Variants in NCOA2 observed in about 807,000 individuals in gnomAD.
The protein encoded by NCOA2 is nuclear receptor coactivator 2, also known as class E basic helix-loop-helix protein 75.
Under a neutral mutation model 145.1 loss-of-function variants are expected in NCOA2, and 21 were observed. The observed-to-expected ratio is 0.14, with a 90% CI of 0.10 to 0.21. The LOEUF (loss-of-function observed/expected upper bound fraction) is 0.21. NCOA2 is among the 10% of genes least tolerant of loss of function. The probability of loss-of-function intolerance (pLI) is 1.00; values close to 1 mark genes in which losing one functional copy is unlikely to be tolerated. For synonymous variants in NCOA2, 619 were observed against 637.5 expected (o/e 0.97, Z 0.44); for missense variants, 1,472 against 1,837.6 (o/e 0.80, Z 3.64).
chr8:70,225,844 A>G (rs1298744998), intron 2 of NCOA2, among the ~76,000 whole-genome samples: 1 of 152,186 alleles, frequency 6.6e-6, no homozygotes, highest in Non-Finnish European at 1.5e-5. Context: ...AGAACACTAC[A>G]TATTTGACCC....
At chr8:70,274,935 C>T (rs1321651420) in intron 2 of NCOA2, among the ~76,000 whole-genome samples, 2 of 152,054 alleles carry the variant, frequency 1.3e-5, no homozygotes, top group African/African-American at 2.4e-5. Flanking sequence ...CATCATCTCC[C>T]GTAATTAAGA....
the NCOA2 span, among the ~76,000 whole-genome samples, chr8:70,411,993 AT>A: frequency 6.6e-6 from 1 of 152,218 alleles, no homozygotes; most frequent in Non-Finnish European, 1.5e-5. Flanking sequence ...TTACACTTCA[AT>A]TTTTTAAATG....
In NCOA2 at chr8:70,144,737, C is replaced by A. The variant is rs1810826239; in HGVS notation, c.2717G>T (p.Arg906Ile). Residue 906 changes from arginine to isoleucine, a missense_variant, in exon 13 of 23, where the codon AGA (arginine) becomes ATA (isoleucine). This residue lies in a region of NCOA2 where 953 missense variants were observed against 1,062.1 expected (regional missense o/e 0.90). Coordinates refer to ENST00000452400, the MANE Select transcript of NCOA2 (RefSeq NM_006540.4). Reference sequence around the variant, plus strand: ...TATCACTGAGTAGGGACTACTGTTTCTGATTGGTGGGAAAGGTCCAGCACC... The same window carrying A: ...TATCACTGAGTAGGGACTACTGTTTATGATTGGTGGGAAAGGTCCAGCACC... Reference protein sequence around the residue: ...PTGAGPFPPIRNSSPYSVIPQ... With the variant: ...PTGAGPFPPIINSSPYSVIPQ... The A allele has an allele frequency of 6.2e-7, 1 of 1,613,942 alleles. No homozygotes were observed. The highest frequency in any genetic ancestry group is 8.5e-7 in the Non-Finnish European group (1 of 1,179,876).
chr8:70,423,473 GCTTT>G, the NCOA2 span, among the ~76,000 whole-genome samples: 1 of 152,230 alleles, frequency 6.6e-6, no homozygotes, highest in South Asian at 2.1e-4. Context: ...CCGCGCCTGG[GCTTT>G]CTTTATACTT....
chr8:70,141,099 G>A (rs1810355863), intron 14 of NCOA2, 85 bp downstream of exon 14: 2 of 1,326,514 alleles, frequency 1.5e-6, no homozygotes, highest in African/African-American at 2.9e-5. Flanking sequence ...ATGCCCATAA[G>A]AAGCATGTCT....
At chr8:70,377,159 T>C (rs1158620180) in intron 1 of NCOA2, among the ~76,000 whole-genome samples, 1 of 152,006 alleles carries the variant, frequency 6.6e-6, no homozygotes, top group Non-Finnish European at 1.5e-5. Flanking sequence ...AAAGCTCCCT[T>C]AATGAGTCAA....
chr8:70,439,031 A>G, the NCOA2 span, among the ~76,000 whole-genome samples: 2 of 152,228 alleles, frequency 1.3e-5, no homozygotes, highest in Non-Finnish European at 2.9e-5. Flanking sequence ...GAAAATTGGT[A>G]AAGTAATAGT....
chr8:70,124,914 A>G (rs778861226), intron 19 of NCOA2, 49 bp from the exon 20 acceptor site: 1 of 1,500,570 alleles, frequency 6.7e-7, no homozygotes, highest in African/African-American at 1.4e-5. Context: ...TGTTAGTTAT[A>G]TTGTAGAGAC....
chr8:70,433,563 G>A, the NCOA2 span, among the ~76,000 whole-genome samples: 1 of 152,204 alleles, frequency 6.6e-6, no homozygotes, highest in Non-Finnish European at 1.5e-5. Context: ...TATGCCCAAT[G>A]AGGTCAGATC....
At chr8:70,114,915 C>CAGGTA (rs1237936644) in intron 22 of NCOA2, among the ~76,000 whole-genome samples, 4 of 152,158 alleles carry the variant, frequency 2.6e-5, no homozygotes, top group Non-Finnish European at 5.9e-5. Context: ...AGCCCCTGAT[C>CAGGTA]AGGTGCACAA....
At chr8:70,276,286 A>C (rs960681538) in intron 2 of NCOA2, among the ~76,000 whole-genome samples, 1 of 152,192 alleles carries the variant, frequency 6.6e-6, no homozygotes, top group African/African-American at 2.4e-5. Context: ...AAAGACAAAT[A>C]AATCCTCCAG....
chr8:70,291,944 C>T (rs1407102087), intron 2 of NCOA2, among the ~76,000 whole-genome samples: 1 of 151,702 alleles, frequency 6.6e-6, no homozygotes, highest in African/African-American at 2.4e-5. Flanking sequence ...GGTGCGGTGG[C>T]GGGCGCCTGT....
intron 2 of NCOA2, among the ~76,000 whole-genome samples, chr8:70,251,816 C>A (rs1823204885): frequency 6.6e-6 from 1 of 152,214 alleles, no homozygotes; most frequent in Non-Finnish European, 1.5e-5. Context: ...CCATCTAGGC[C>A]TGGGAATCTC....
intron 2 of NCOA2, among the ~76,000 whole-genome samples, chr8:70,242,123 A>T (rs760757988): frequency 2.0e-5 from 3 of 152,146 alleles, no homozygotes; most frequent in Non-Finnish European, 4.4e-5. Context: ...TAACTTAAAC[A>T]TAAGCCTCAT....
chr8:70,318,323 T>G (rs999380748), intron 1 of NCOA2, among the ~76,000 whole-genome samples: 1 of 152,246 alleles, frequency 6.6e-6, no homozygotes, highest in Non-Finnish European at 1.5e-5. Context: ...GGCTTCTGAA[T>G]GTTCTCCTAG....
intron 2 of NCOA2, among the ~76,000 whole-genome samples, chr8:70,267,100 T>C (rs1311259294): frequency 6.6e-6 from 1 of 152,188 alleles, no homozygotes; most frequent in East Asian, 1.9e-4. Context: ...ACAAGAACAA[T>C]GGACTTGGAG....
rs1302419596 is a variant in NCOA2, at chr8:70,389,283, A to AT, written c.-77+14416dup. Among the ~76,000 whole-genome samples the AT allele has an allele frequency of 9.2e-3, 1,344 of 146,100 alleles. 18 individuals carry two copies. Among genetic ancestry groups the AT allele is most frequent in the Middle Eastern group, 0.043 (12 of 278 alleles). On this transcript the variant is annotated intron_variant, in intron 1 of 22. Transcript: ENST00000452400. ...TGGCAAACTCCCTCCAACAGGCCAA[A>AT]TTTTTTTTTTTTTTGAGACGCAGTT... is the stretch of plus-strand genomic sequence containing the variant.
At chr8:70,403,662 C>G (rs1386492287) in intron 1 of NCOA2, 38 bp downstream of exon 1, 1 of 371,250 alleles carries the variant, frequency 2.7e-6, no homozygotes, top group South Asian at 1.3e-4. Flanking sequence ...CGCCCGCCCC[C>G]CGCCCGCCCT....
intron 2 of NCOA2, among the ~76,000 whole-genome samples, chr8:70,279,531 C>A (rs1476966889): frequency 6.6e-6 from 1 of 152,166 alleles, no homozygotes; most frequent in Non-Finnish European, 1.5e-5. Flanking sequence ...CCTTGGCTTA[C>A]CCCTCTACAA....
Sources: gnomAD v4.1 joint callset for allele counts (sites outside exome capture counted in the v4.1 genomes callset) on GRCh38, gnomAD v4.1.1 for gene constraint, gnomAD v4.1.1 regional missense constraint, MANE v1.5 for transcripts, NCBI Gene and HGNC (gene_info 2026-07-23, HGNC 2026-07-21) for gene names.